Variants in HS3ST4 observed in about 807,000 individuals in gnomAD.
HS3ST4 encodes the protein heparan sulfate-glucosamine 3-sulfotransferase 4.
Under a neutral mutation model 29.2 loss-of-function variants are expected in HS3ST4, and 17 were observed. The observed-to-expected ratio is 0.58, with a 90% CI of 0.40 to 0.87. The LOEUF is 0.87. Ranked by LOEUF, HS3ST4 falls within the 40% of genes least tolerant of loss-of-function variation. The pLI is 0.00. For missense variants in HS3ST4, 627 were observed against 634.5 expected (o/e 0.99, Z 0.13); for synonymous variants, 314 against 285.7 (o/e 1.10, Z -1.00).
chr16:26,015,198 C>T (rs1390740423), intron 1 of HS3ST4, among the ~76,000 whole-genome samples: 1 of 152,190 alleles, frequency 6.6e-6, no homozygotes, highest in African/African-American at 2.4e-5. Flanking sequence ...GATCAGCTGT[C>T]TGCAAATTCG....
rs149455377 is a variant in HS3ST4 at position 25,951,657 on chromosome 16, C to T, written c.735-183955C>T. On this transcript the variant is annotated intron_variant, in intron 1 of 1. Coordinates refer to ENST00000331351, the MANE Select transcript of HS3ST4 (RefSeq NM_006040.3). Reference sequence around the variant, plus strand: ...CTCTTGGGGTTAAGGTGCGCCAGCCCCAAACTATACTCCAATTCTCTAACT... The same window carrying T: ...CTCTTGGGGTTAAGGTGCGCCAGCCTCAAACTATACTCCAATTCTCTAACT... 3.9e-3 allele frequency among the ~76,000 whole-genome samples: 591 copies of T among 152,252 alleles called. 3 individuals carry two copies. The highest frequency in any genetic ancestry group is 0.014 in the African/African-American group (577 of 41,556).
chr16:26,107,131 C>G (rs1380361787), intron 1 of HS3ST4, among the ~76,000 whole-genome samples: 1 of 152,050 alleles, frequency 6.6e-6, no homozygotes, highest in African/African-American at 2.4e-5. Context: ...TACCTTCTAG[C>G]ATGAAAAGGG....
intron 1 of HS3ST4, among the ~76,000 whole-genome samples, chr16:25,987,909 T>G (rs1453678957): frequency 6.6e-6 from 1 of 152,180 alleles, no homozygotes; most frequent in East Asian, 1.9e-4. Flanking sequence ...TAGCTGGGAC[T>G]ACAGGCATGC....
chr16:25,694,152 A>G (rs1966276485), intron 1 of HS3ST4, among the ~76,000 whole-genome samples: 1 of 152,222 alleles, frequency 6.6e-6, no homozygotes, highest in Non-Finnish European at 1.5e-5. Flanking sequence ...AATTAATTGC[A>G]AATGTCAAAC....
At chr16:26,092,263 T>C (rs1243223983) in intron 1 of HS3ST4, among the ~76,000 whole-genome samples, 1 of 152,140 alleles carries the variant, frequency 6.6e-6, no homozygotes, top group East Asian at 1.9e-4. Flanking sequence ...TTGGCCAAAA[T>C]AGCCTTCTCC....
chr16:26,040,699 G>T (rs117188396), intron 1 of HS3ST4, among the ~76,000 whole-genome samples: 3,492 of 152,060 alleles, frequency 0.023, 70 homozygotes, highest in Non-Finnish European at 0.035. Flanking sequence ...TCCCTTCCAG[G>T]ACACACAGCT....
At chr16:26,113,377 TA>T (rs1279331641) in intron 1 of HS3ST4, among the ~76,000 whole-genome samples, 14 of 146,196 alleles carry the variant, frequency 9.6e-5, no homozygotes, top group African/African-American at 3.6e-4. Context: ...AACCGGGGGG[TA>T]GAGGTTGCAG....
chr16:25,777,412 A>AGTGT (rs56191219), intron 1 of HS3ST4, among the ~76,000 whole-genome samples: 8,741 of 147,920 alleles, frequency 0.059, 301 homozygotes, highest in East Asian at 0.066. Flanking sequence ...AGCACACCAA[A>AGTGT]GTGTGTGTGT....
chr16:25,871,006 A>C (rs993009062), intron 1 of HS3ST4, among the ~76,000 whole-genome samples: 1 of 152,260 alleles, frequency 6.6e-6, no homozygotes, highest in Non-Finnish European at 1.5e-5. Flanking sequence ...AGTAGCAATA[A>C]GCAGAGGAAA....
chr16:25,995,063 A>G (rs1373840117), intron 1 of HS3ST4, among the ~76,000 whole-genome samples: 5 of 152,224 alleles, frequency 3.3e-5, no homozygotes, highest in Admixed American at 3.3e-4. Context: ...TGAAAGACAT[A>G]AAGTTCATAG....
intron 1 of HS3ST4, among the ~76,000 whole-genome samples, chr16:25,739,939 G>A (rs938761120): frequency 2.0e-5 from 3 of 152,214 alleles, no homozygotes; most frequent in Non-Finnish European, 4.4e-5. Flanking sequence ...AGACCTGGGT[G>A]AGACTCTTTA....
chr16:25,955,837 G>C (rs1284102587), intron 1 of HS3ST4, among the ~76,000 whole-genome samples: 2 of 131,400 alleles, frequency 1.5e-5, no homozygotes, highest in East Asian at 4.3e-4. Flanking sequence ...TTTTTTAAGT[G>C]GGAGTCTTGC....
intron 1 of HS3ST4, among the ~76,000 whole-genome samples, chr16:25,767,005 C>T (rs1019711777): frequency 4.0e-5 from 6 of 150,568 alleles, no homozygotes; most frequent in African/African-American, 1.5e-4. Flanking sequence ...GGAAGAAATG[C>T]AAACTGACAA....
chr16:25,941,565 C>T (rs1255946892), intron 1 of HS3ST4, among the ~76,000 whole-genome samples: 1 of 151,630 alleles, frequency 6.6e-6, no homozygotes, highest in Non-Finnish European at 1.5e-5. Flanking sequence ...GTTTTTGCTT[C>T]GTTTTTGTTT....
chr16:26,054,269 G>GGAGAGAGAGAGAGAGAGA lies in HS3ST4; in HGVS notation c.735-81330_735-81313dup, dbSNP rs58364733. Among the ~76,000 whole-genome samples, 320 of 133,676 alleles carry GGAGAGAGAGAGAGAGAGA rather than the reference G, an allele frequency of 2.4e-3. 3 individuals carry two copies. The highest frequency in any genetic ancestry group is 8.5e-3 in the African/African-American group (296 of 35,002). 87.7% of individuals were successfully genotyped at this position (133,676 alleles called of 152,430 possible). On this transcript the variant is annotated intron_variant, in intron 1 of 1. Coordinates refer to ENST00000331351, the MANE Select transcript of HS3ST4 (RefSeq NM_006040.3). Reference sequence around the variant, plus strand: ...GAAGGAGAGAGAGAGACAGAGAGAGGGAGAGAGAGAGAGAGAGAGAGAGAG... The same window carrying GGAGAGAGAGAGAGAGAGA: ...GAAGGAGAGAGAGAGACAGAGAGAGGGAGAGAGAGAGAGAGAGAGAGAGAGAGAGAGAGAGAGAGAGAG...
rs1312788582 is a variant in HS3ST4 at position 26,085,788 on chromosome 16, T to C, written c.735-49824T>C. ...ACTTGAGAGGTTAAGGCAGGAAGACTGCTTGAGCCCAGGAGATTGAAGCTG... is the reference window on the plus strand; with the variant it reads ...ACTTGAGAGGTTAAGGCAGGAAGACCGCTTGAGCCCAGGAGATTGAAGCTG... On this transcript the variant is annotated intron_variant, in intron 1 of 1. Transcript: ENST00000331351. Among the ~76,000 whole-genome samples, 5 of 152,022 alleles carry C rather than the reference T, an allele frequency of 3.3e-5. No homozygotes were observed. In the East Asian group the frequency reaches 9.7e-4, roughly 29 times the overall value.
intron 1 of HS3ST4, among the ~76,000 whole-genome samples, chr16:25,800,782 G>T (rs1046696508): frequency 1.3e-5 from 2 of 152,054 alleles, no homozygotes; most frequent in African/African-American, 4.8e-5. Context: ...CTCATGAATG[G>T]TATTAGTGAC....
chr16:26,017,109 C>A (rs1328286474), intron 1 of HS3ST4, among the ~76,000 whole-genome samples: 1 of 152,192 alleles, frequency 6.6e-6, no homozygotes, highest in Non-Finnish European at 1.5e-5. Context: ...TTGCATTCAG[C>A]AACTGACACT....
At chr16:26,128,870 C>T (rs187138400) in intron 1 of HS3ST4, among the ~76,000 whole-genome samples, 149 of 151,236 alleles carry the variant, frequency 9.9e-4, no homozygotes, top group Middle Eastern at 3.4e-3. Context: ...GGGAACTGGC[C>T]CTGCTTCACC....
Sources: gnomAD v4.1 joint callset for allele counts (sites outside exome capture counted in the v4.1 genomes callset) on GRCh38, gnomAD v4.1.1 for gene constraint, MANE v1.5 for transcripts, NCBI Gene and HGNC (gene_info 2026-07-23, HGNC 2026-07-21) for gene names.